Variants in CSNK1A1 observed in about 807,000 individuals in gnomAD.
CSNK1A1 encodes casein kinase I isoform alpha.
Under a neutral mutation model 46.1 loss-of-function variants are expected in CSNK1A1, and 7 were observed. The ratio of observed to expected loss-of-function variants is 0.15; its 90% CI spans 0.09 to 0.29. The LOEUF (loss-of-function observed/expected upper bound fraction) is 0.29. Ranked by LOEUF, CSNK1A1 falls within the 10% of genes least tolerant of loss-of-function variation. CSNK1A1 has a pLI of 1.00. For missense variants in CSNK1A1, 96 were observed against 417.1 expected, an observed-to-expected ratio of 0.23 and a Z score of 6.71; for synonymous variants, 137 against 141.5, an observed-to-expected ratio of 0.97 and a Z score of 0.23.
intron 9 of CSNK1A1, 40 bp from the exon 10 acceptor site, chr5:149,496,900 A>C: frequency 6.5e-7 from 1 of 1,530,984 alleles, no homozygotes; most frequent in Non-Finnish European, 8.7e-7. Context: ...TAAAATTCCA[A>C]GTCAAAAATT....
intron 3 of CSNK1A1, among the ~76,000 whole-genome samples, chr5:149,523,791 T>A (rs543348066): frequency 2.0e-5 from 3 of 152,240 alleles, no homozygotes; most frequent in Non-Finnish European, 1.5e-5. Flanking sequence ...ATCCATTACT[T>A]CAAACATTTA....
intron 2 of CSNK1A1, among the ~76,000 whole-genome samples, chr5:149,535,954 GCTTT>G (rs1353938975): frequency 6.6e-6 from 1 of 151,566 alleles, no homozygotes; most frequent in Non-Finnish European, 1.5e-5. Context: ...CCACCAAATG[GCTTT>G]CTTTCTTTTT....
intron 2 of CSNK1A1, among the ~76,000 whole-genome samples, chr5:149,532,308 T>C (rs752987812): frequency 9.2e-5 from 14 of 152,074 alleles, no homozygotes; most frequent in Non-Finnish European, 1.9e-4. Flanking sequence ...ATACCTGTGA[T>C]TTCAGCCGGG....
At chr5:149,520,862 C>T (rs1171661056) in intron 3 of CSNK1A1, among the ~76,000 whole-genome samples, 4 of 152,132 alleles carry the variant, frequency 2.6e-5, no homozygotes, top group African/African-American at 9.7e-5. Flanking sequence ...AGGATGTTGA[C>T]AGATTGGCAG....
intron 3 of CSNK1A1, among the ~76,000 whole-genome samples, chr5:149,521,045 T>A (rs1761552035): frequency 6.6e-6 from 1 of 152,216 alleles, no homozygotes; most frequent in African/African-American, 2.4e-5. Context: ...AGAGATGTTA[T>A]GTCTTCCCCA....
chr5:149,548,321 C>T (rs767537373), intron 2 of CSNK1A1, among the ~76,000 whole-genome samples: 7 of 151,986 alleles, frequency 4.6e-5, no homozygotes, highest in Non-Finnish European at 7.4e-5. Context: ...AATCCCAGCA[C>T]TTTGGGAGGC....
chr5:149,515,606 A>G (rs1276286105), intron 4 of CSNK1A1, among the ~76,000 whole-genome samples: 1 of 152,250 alleles, frequency 6.6e-6, no homozygotes, highest in Non-Finnish European at 1.5e-5. Flanking sequence ...ATTCTCAGTA[A>G]ACAACTGAAA....
In CSNK1A1 at chr5:149,525,216, A is replaced by G. The variant is rs1761689788; in HGVS notation, c.231-45T>C. Reference sequence around the variant, plus strand: ...AGAGAGGATATTACAAAAAGCTATTACTTAATATCATCAACCCTAAGAATA... The same window carrying G: ...AGAGAGGATATTACAAAAAGCTATTGCTTAATATCATCAACCCTAAGAATA... On this transcript the variant is annotated intron_variant, in intron 2 of 9. Transcript: ENST00000377843. This position sits in a 1 kb window ranked among gnomAD's most constrained non-coding sequence, Gnocchi z 4.2. 1 of 1,522,062 alleles carries G rather than the reference A, an allele frequency of 6.6e-7. No homozygotes were observed. The highest frequency in any genetic ancestry group is 8.8e-7 in the Non-Finnish European group (1 of 1,133,970). The allele number at this position is 1,522,062 out of a possible 1,614,324, so 94.3% of individuals were successfully genotyped here. A position where few individuals can be genotyped will look rare whatever the true frequency, so the allele number is the denominator to read the frequency against.
intron 9 of CSNK1A1, chr5:149,501,085 T>C: frequency 1.0e-6 from 1 of 985,442 alleles, no homozygotes; most frequent in Non-Finnish European, 1.2e-6. Flanking sequence ...ATAGCAACGC[T>C]GTATTCTTCT....
chr5:149,513,257 T>C (rs746525622), intron 4 of CSNK1A1, 48 bp from the exon 5 acceptor site: 2 of 1,528,628 alleles, frequency 1.3e-6, no homozygotes, highest in Non-Finnish European at 8.9e-7. Flanking sequence ...CTTGTTCAAT[T>C]AAACTGCGTC....
rs1760583605 is a variant in CSNK1A1, at chr5:149,493,732, A to G, written c.*3121T>C. 6.6e-6 allele frequency: 1 copy of G among 152,214 alleles called. No homozygotes were observed. The highest frequency in any genetic ancestry group is 2.4e-5 in the African/African-American group (1 of 41,458). The allele number at this position is 152,214 out of a possible 1,614,324, so 9.4% of individuals were successfully genotyped here. A position where few individuals can be genotyped will look rare whatever the true frequency, so the allele number is the denominator to read the frequency against. ...AATGGTAATAATGCATTTAAAGTAT[A>G]GTCTCACAAAGTCTCACTTAAGAGA... is the stretch of plus-strand genomic sequence containing the variant. On this transcript the variant is annotated 3_prime_UTR_variant, in exon 10 of 10. Transcript: ENST00000377843.
Position 149,505,179 on chromosome 5 carries a change from T to TA in CSNK1A1, c.1006+267dup, listed in dbSNP as rs1009013629. ...GAATGAGTAAAAAAGATGCAGTTGT[T>TA]AAAAAAATGACCCAAAATCCCAAGA... On this transcript the variant is annotated intron_variant, in intron 9 of 9. Coordinates refer to ENST00000377843, the MANE Select transcript of CSNK1A1 (RefSeq NM_001892.6). The TA allele has an allele frequency of 8.3e-5, 91 of 1,100,384 alleles. 1 individual carries two copies. In the African/African-American group the frequency reaches 9.1e-4, roughly 11 times the overall value. The allele number at this position is 1,100,384 out of a possible 1,614,324, so 68.2% of individuals were successfully genotyped here.
intron 3 of CSNK1A1, among the ~76,000 whole-genome samples, chr5:149,522,331 G>A (rs961917204): frequency 2.6e-5 from 4 of 151,844 alleles, no homozygotes; most frequent in Admixed American, 6.6e-5. Flanking sequence ...GGCTGCTCTC[G>A]AACTCCTGAG....
intron 4 of CSNK1A1, among the ~76,000 whole-genome samples, chr5:149,513,887 A>G (rs556507786): frequency 6.8e-6 from 1 of 146,810 alleles, no homozygotes; most frequent in East Asian, 2.2e-4. Flanking sequence ...GTGACAGAGC[A>G]AAACTCTTTC....
chr5:149,531,468 A>T (rs933138618), intron 2 of CSNK1A1, among the ~76,000 whole-genome samples: 2 of 152,012 alleles, frequency 1.3e-5, no homozygotes, highest in African/African-American at 4.8e-5. Context: ...CAGTGAGCCG[A>T]GATCACGCTA....
chr5:149,509,615 G>A (rs945109243), intron 7 of CSNK1A1, among the ~76,000 whole-genome samples: 3 of 152,200 alleles, frequency 2.0e-5, no homozygotes, highest in Non-Finnish European at 4.4e-5. Context: ...TGCCCAGGCT[G>A]GTCTTGTGGA....
intron 9 of CSNK1A1, among the ~76,000 whole-genome samples, chr5:149,500,422 C>T (rs1760811769): frequency 6.6e-6 from 1 of 152,058 alleles, no homozygotes; most frequent in Non-Finnish European, 1.5e-5. Flanking sequence ...CAGGCATGAG[C>T]CACCGCGCCC....
chr5:149,511,173 T>A (rs1761211306), intron 6 of CSNK1A1, among the ~76,000 whole-genome samples: 1 of 151,944 alleles, frequency 6.6e-6, no homozygotes, highest in African/African-American at 2.4e-5. Context: ...AAAAAATAAT[T>A]TAAAAATTAG....
intron 2 of CSNK1A1, among the ~76,000 whole-genome samples, chr5:149,542,633 T>TATATAC (rs1762305548): frequency 1.6e-4 from 2 of 12,178 alleles, no homozygotes; most frequent in African/African-American, 1.2e-3. Flanking sequence ...TATATATATA[T>TATATAC]ATATATGTAT....
Sources: allele counts gnomAD v4.1 joint callset (sites outside exome capture counted in the v4.1 genomes callset), GRCh38; gene constraint gnomAD v4.1.1; non-coding constraint Gnocchi (gnomAD v3.1); transcripts MANE v1.5; gene names NCBI Gene and HGNC (gene_info 2026-07-23, HGNC 2026-07-21).